The following NPAS3 variants were observed in gnomAD, a reference collection of about 807,000 sequenced individuals.
NPAS3 encodes neuronal PAS domain-containing protein 3.
In NPAS3, 14 loss-of-function variants were observed where a neutral mutation model predicts 73.1. The observed-to-expected ratio is 0.19, with a 90% CI of 0.13 to 0.30. NPAS3 has a LOEUF of 0.30. Ranked by LOEUF, NPAS3 falls within the 10% of genes least tolerant of loss-of-function variation. The pLI, the probability that NPAS3 is intolerant of heterozygous loss-of-function variation, is 1.00. For missense variants in NPAS3, 1,096 were observed against 1,250.0 expected, an observed-to-expected ratio of 0.88 and a Z score of 1.86; for synonymous variants, 620 against 541.5, an observed-to-expected ratio of 1.14 and a Z score of -2.01.
At chr14:33,566,936 C>T (rs2055979371) in intron 5 of NPAS3, among the ~76,000 whole-genome samples, 1 of 152,250 alleles carries the variant, frequency 6.6e-6, no homozygotes, top group African/African-American at 2.4e-5. Flanking sequence ...GTGGCAGCCT[C>T]TTTGCAGAGA....
intron 1 of NPAS3, among the ~76,000 whole-genome samples, chr14:32,967,743 C>T (rs2037235481): frequency 6.8e-6 from 1 of 147,438 alleles, no homozygotes. Context: ...TTGGTGGGAA[C>T]AGTACAGCCA....
chr14:33,133,649 C>T (rs1439026756), intron 2 of NPAS3, among the ~76,000 whole-genome samples: 1 of 152,178 alleles, frequency 6.6e-6, no homozygotes, highest in African/African-American at 2.4e-5. Context: ...CTATTGTAAA[C>T]TTGTCCGTAG....
At chr14:33,376,826 C>T (rs2046334963) in intron 4 of NPAS3, among the ~76,000 whole-genome samples, 1 of 152,110 alleles carries the variant, frequency 6.6e-6, no homozygotes, top group South Asian at 2.1e-4. Context: ...TGAAAGTTTT[C>T]CTGGCTGGCA....
intron 4 of NPAS3, among the ~76,000 whole-genome samples, chr14:33,378,137 G>T (rs960344135): frequency 6.6e-6 from 1 of 152,120 alleles, no homozygotes; most frequent in Admixed American, 6.5e-5. Context: ...GGAGATAGTA[G>T]CAAGTCTTAC....
intron 4 of NPAS3, among the ~76,000 whole-genome samples, chr14:33,439,713 C>T (rs1029564446): frequency 4.6e-5 from 7 of 152,168 alleles, no homozygotes; most frequent in Non-Finnish European, 5.9e-5. Flanking sequence ...AGCAGTAACT[C>T]GTCAGTGCTA....
chr14:33,055,872 A>G (rs892065947), intron 1 of NPAS3, 33 bp from the exon 2 acceptor site: 2 of 779,376 alleles, frequency 2.6e-6, no homozygotes, highest in African/African-American at 3.4e-5. Flanking sequence ...GAGAATCTCT[A>G]GTCATGTCTA....
In NPAS3 at chr14:33,707,278, T is replaced by C. The variant is rs564745758; in HGVS notation, c.734-27936T>C. Among the ~76,000 whole-genome samples the C allele has an allele frequency of 1.7e-4, 26 of 152,298 alleles. No individual in the cohort carries two copies. The South Asian group carries it at 5.4e-3, about 32-fold the overall frequency. On this transcript the variant is annotated intron_variant, in intron 6 of 11. Coordinates refer to ENST00000356141, the Ensembl canonical transcript of NPAS3. ...AGTTGGACACTGGTGGAGTGAGGAC[T>C]TGAACACAAATAGTTCTATTTCGAC...
chr14:32,977,969 A>G (rs1335143549), intron 1 of NPAS3, among the ~76,000 whole-genome samples: 1 of 152,240 alleles, frequency 6.6e-6, no homozygotes, highest in Non-Finnish European at 1.5e-5. Context: ...TAATAAATAT[A>G]GCTACTACTA....
At chr14:33,751,832 A>G (rs1194738928) in intron 7 of NPAS3, among the ~76,000 whole-genome samples, 1 of 152,180 alleles carries the variant, frequency 6.6e-6, no homozygotes, top group Non-Finnish European at 1.5e-5. Flanking sequence ...TCCCAGTAAG[A>G]TCTGTGCATG....
chr14:33,600,407 T>G (rs10133867), intron 5 of NPAS3, among the ~76,000 whole-genome samples: 2 of 152,198 alleles, frequency 1.3e-5, no homozygotes, highest in African/African-American at 4.8e-5. Flanking sequence ...AGATTCATAT[T>G]TTTCTGCCCC....
chr14:33,611,005 G>A (rs563814367), intron 5 of NPAS3: 1 of 152,286 alleles, frequency 6.6e-6, no homozygotes, highest in South Asian at 2.1e-4. Context: ...TGCAAGAAAC[G>A]TTTTACATGG....
intron 2 of NPAS3, among the ~76,000 whole-genome samples, chr14:33,109,527 A>G (rs754653918): frequency 1.1e-4 from 17 of 152,136 alleles, no homozygotes; most frequent in Non-Finnish European, 1.6e-4. Flanking sequence ...ATACTGACTC[A>G]AGTGTAGTTT....
chr14:33,156,072 T>G (rs1370194345), intron 2 of NPAS3, among the ~76,000 whole-genome samples: 1 of 152,126 alleles, frequency 6.6e-6, no homozygotes, highest in African/African-American at 2.4e-5. Context: ...GTCTATGCAC[T>G]GAAAATAATA....
intron 2 of NPAS3, among the ~76,000 whole-genome samples, chr14:33,133,306 A>G (rs2043708762): frequency 6.6e-6 from 1 of 152,186 alleles, no homozygotes; most frequent in Non-Finnish European, 1.5e-5. Context: ...GGCACATCTG[A>G]CAGTTATGAA....
intron 2 of NPAS3, among the ~76,000 whole-genome samples, chr14:33,068,903 G>C (rs2041377020): frequency 1.3e-5 from 2 of 152,164 alleles, no homozygotes; most frequent in African/African-American, 4.8e-5. Flanking sequence ...AAGGAGGACA[G>C]TGGCAGGAGA....
At chr14:33,209,000 T>C (rs1465726013) in intron 2 of NPAS3, among the ~76,000 whole-genome samples, 2 of 152,174 alleles carry the variant, frequency 1.3e-5, no homozygotes, top group Non-Finnish European at 2.9e-5. Flanking sequence ...GAGGCTAACA[T>C]AAATTAATGA....
At chr14:33,550,916 C>A (rs576943055) in intron 4 of NPAS3, among the ~76,000 whole-genome samples, 1 of 152,152 alleles carries the variant, frequency 6.6e-6, no homozygotes, top group African/African-American at 2.4e-5. Context: ...ATTTTAAAAA[C>A]AATTCTAAGC....
intron 4 of NPAS3, among the ~76,000 whole-genome samples, chr14:33,549,080 G>A (rs1449054167): frequency 3.0e-5 from 4 of 131,920 alleles, no homozygotes; most frequent in Non-Finnish European, 7.1e-5. Context: ...GAACAAATCT[G>A]TGTCTGAAAA....
chr14:33,686,519 T>A (rs1002224314), intron 6 of NPAS3, among the ~76,000 whole-genome samples: 2 of 152,222 alleles, frequency 1.3e-5, no homozygotes, highest in African/African-American at 4.8e-5. Context: ...CCATTACTCA[T>A]TGACTACTCA....
Sources: gnomAD v4.1 joint callset for allele counts (sites outside exome capture counted in the v4.1 genomes callset) on GRCh38, gnomAD v4.1.1 for gene constraint, MANE v1.5 for transcripts, NCBI Gene and HGNC (gene_info 2026-07-23, HGNC 2026-07-21) for gene names.